Variants in NBPF6 observed in about 807,000 individuals in gnomAD.
NBPF6 encodes the protein NBPF family member NBPF6.
In NBPF6, 2 loss-of-function variants were observed where a neutral mutation model predicts 20.8. The observed-to-expected ratio is 0.10, with a 90% CI of 0.04 to 0.30. NBPF6 has a LOEUF of 0.30. NBPF6 is among the 10% of genes least tolerant of loss of function. NBPF6 has a pLI of 1.00. For synonymous variants in NBPF6, 24 were observed against 100.0 expected, an observed-to-expected ratio of 0.24 and a Z score of 4.53; for missense variants, 85 against 260.3, an observed-to-expected ratio of 0.33 and a Z score of 4.63.
chr1:108,447,965 T>A (rs61797098), upstream of NBPF6, among the ~76,000 whole-genome samples: 3 of 144,898 alleles, frequency 2.1e-5, no homozygotes, highest in Admixed American at 1.4e-4. Context: ...AGAAAAAATA[T>A]CAAGTCCAGG....
At chr1:108,448,489 C>T (rs1241979322), upstream of NBPF6, among the ~76,000 whole-genome samples, 5 of 140,598 alleles carry the variant, frequency 3.6e-5, 1 homozygote, top group African/African-American at 7.7e-5. Context: ...TTCTGAATTT[C>T]GGTCCCAATG....
chr1:108,469,803 G>A (rs1653359700), intron 14 of NBPF6, among the ~76,000 whole-genome samples: 1 of 148,740 alleles, frequency 6.7e-6, no homozygotes, highest in African/African-American at 2.5e-5. Flanking sequence ...GATGACCTTT[G>A]GACAAAAACT....
upstream of NBPF6, among the ~76,000 whole-genome samples, chr1:108,448,342 T>C (rs1652691607): frequency 6.7e-6 from 1 of 148,612 alleles, no homozygotes; most frequent in South Asian, 2.1e-4. Flanking sequence ...GAATCATTGG[T>C]ACTCAATAGA....
chr1:108,470,602 A>C lies in NBPF6; in HGVS notation c.1881A>C (p.Pro627=). 6.4e-7 allele frequency: 1 copy of C among 1,552,878 alleles called. No homozygotes were observed. ...TTTCTCTCTCTCCCCTACAGATACC[A>C]AATACTGCTGAAAGGATGCAAAGGA... is the stretch of plus-strand genomic sequence containing the variant. ...AGPHAESAEI[P]NTAERMQRMI... The change falls in exon 15 of 15, where the codon CCA becomes CCC. Residue 627 remains proline (P), a synonymous_variant. Transcript: ENST00000495380.
In NBPF6 at chr1:108,471,701, A is replaced by G. The variant is rs1653484316; in HGVS notation, c.*1063A>G. Among the ~76,000 whole-genome samples the G allele has an allele frequency of 1.3e-5, 2 of 152,326 alleles. No homozygotes were observed. The highest frequency in any genetic ancestry group is 1.9e-4 in the East Asian group (1 of 5,184). On this transcript the variant is annotated 3_prime_UTR_variant, in exon 15 of 15. Coordinates refer to ENST00000495380, the MANE Select transcript of NBPF6 (RefSeq NM_001143988.2). ...CTGGCATTCTGTCGTAAAAAGGAAC[A>G]TTCCCTGCCCAAAGTTTGACTTTCA...
At chr1:108,434,743 A>G in the NBPF6 span, among the ~76,000 whole-genome samples, 1 of 88,270 alleles carries the variant, frequency 1.1e-5, no homozygotes, top group African/African-American at 3.5e-5. Context: ...CTCCTGCCTC[A>G]GCCTCCCAAA....
chr1:108,467,632 C>T lies in NBPF6; in HGVS notation c.1842C>T (p.Phe614=). 6.5e-7 allele frequency: 1 copy of T among 1,549,594 alleles called. No homozygotes were observed. Among genetic ancestry groups the T allele is most frequent in the South Asian group, 1.2e-5 (1 of 83,892 alleles). Reference sequence around the variant, plus strand: ...CGTTCAGCAAGTGGAGACTGGCATTCAGATTCGCTGGCCCGCATGCTGAGA... The same window carrying T: ...CGTTCAGCAAGTGGAGACTGGCATTTAGATTCGCTGGCCCGCATGCTGAGA... ...RLPFSKWRLA[F]RFAGPHAESA... The change falls in exon 14 of 15, where the codon TTC becomes TTT. Residue 614 remains phenylalanine, a synonymous_variant. Transcript: ENST00000495380.
rs1241874529 is a variant in NBPF6, at chr1:108,459,433, A to G, written c.1028+324A>G. ...CTTTCTGCTGGTTTTGCATTAGCAC[A>G]GTGGTGAGCATTTCAAGGCAAGGAA... is the stretch of plus-strand genomic sequence containing the variant. On this transcript the variant is annotated intron_variant, in intron 9 of 14. Transcript: ENST00000495380. Among the ~76,000 whole-genome samples, 2 of 149,810 alleles carry G rather than the reference A, an allele frequency of 1.3e-5. 1 individual carries two copies. The highest frequency in any genetic ancestry group is 1.3e-4 in the Admixed American group (2 of 14,956).
chr1:108,458,861 T>G, intron 8 of NBPF6, among the ~76,000 whole-genome samples, 197 bp from the exon 9 acceptor site: 2 of 117,162 alleles, frequency 1.7e-5, no homozygotes, highest in African/African-American at 2.9e-5. Context: ...ATCAGGGAGA[T>G]TTGCTCCATG....
rs1357313227 is a variant in NBPF6 at position 108,470,994 on chromosome 1, T to G, written c.*356T>G. The G allele has an allele frequency of 3.1e-5, 6 of 192,592 alleles. No individual in the cohort carries two copies. The highest frequency in any genetic ancestry group is 6.3e-5 in the Non-Finnish European group (6 of 94,896). 11.9% of individuals were successfully genotyped at this position (192,592 alleles called of 1,614,324 possible). A position where few individuals can be genotyped will look rare whatever the true frequency, so the allele number is the denominator to read the frequency against. On this transcript the variant is annotated 3_prime_UTR_variant, in exon 15 of 15. Coordinates refer to ENST00000495380, the MANE Select transcript of NBPF6 (RefSeq NM_001143988.2). ...AGGGCAGAGTATGAGCAATGCCATG[T>G]TCTTGCTGAAAACGTTTAGCCTGAG... is the stretch of plus-strand genomic sequence containing the variant.
At chr1:108,437,764 A>AAGGAAGGG in the NBPF6 span, among the ~76,000 whole-genome samples, 1 of 32,996 alleles carries the variant, frequency 3.0e-5, no homozygotes, top group African/African-American at 9.6e-5. Flanking sequence ...GGAAGGAAGG[A>AAGGAAGGG]AGGGAGGGAG....
chr1:108,426,425 A>AT, the NBPF6 span, among the ~76,000 whole-genome samples: 13 of 56,264 alleles, frequency 2.3e-4, no homozygotes, highest in Admixed American at 4.5e-4. Context: ...CTGTCTCTTT[A>AT]AAAATAAATA....
chr1:108,471,526 G>A lies in NBPF6; in HGVS notation c.*888G>A, dbSNP rs1653473768. ...CTTATTTATAATTAAATTGGAAAGT[G>A]GTTTGAAATAGTATAAATATCCTGT... On this transcript the variant is annotated 3_prime_UTR_variant, in exon 15 of 15. Transcript: ENST00000495380. 6.6e-6 allele frequency among the ~76,000 whole-genome samples: 1 copy of A among 152,004 alleles called. No individual in the cohort carries two copies. Among genetic ancestry groups the A allele is most frequent in the Admixed American group, 6.6e-5 (1 of 15,264 alleles).
chr1:108,458,986 T>C (rs1446560316), intron 8 of NBPF6, 72 bp from the exon 9 acceptor site: 1 of 310,328 alleles, frequency 3.2e-6, no homozygotes, highest in Non-Finnish European at 6.3e-6. Flanking sequence ...CTATGTAGAT[T>C]TGGACACAAG....
intron 14 of NBPF6, 79 bp downstream of exon 14, chr1:108,467,744 T>C: frequency 1.3e-6 from 2 of 1,517,540 alleles, no homozygotes; most frequent in Non-Finnish European, 1.8e-6. Flanking sequence ...CTCACTGCTT[T>C]TTCTCTCCCA....
chr1:108,465,745 AG>A (rs1330452634), intron 13 of NBPF6, among the ~76,000 whole-genome samples: 2 of 108,340 alleles, frequency 1.8e-5, no homozygotes, highest in Non-Finnish European at 4.0e-5. Context: ...TGATTCCATA[AG>A]AATTGCCCAA....
Position 108,471,339 on chromosome 1 carries a change from TA to T in NBPF6, c.*704del, listed in dbSNP as rs1171809797. Among the ~76,000 whole-genome samples, 12 of 152,136 alleles carry T rather than the reference TA, an allele frequency of 7.9e-5. No homozygotes were observed. Among genetic ancestry groups the T allele is most frequent in the African/African-American group, 2.9e-4 (12 of 41,420 alleles). On this transcript the variant is annotated 3_prime_UTR_variant, in exon 15 of 15. Transcript: ENST00000495380. ...AATGTCGTCATGATTAAATTCAGCC[TA>T]AACATTTTGCCAGGAACTCTGCAGA...
upstream of NBPF6, among the ~76,000 whole-genome samples, chr1:108,448,627 G>T (rs1262620962): frequency 6.0e-4 from 64 of 106,324 alleles, no homozygotes; most frequent in African/African-American, 1.9e-3. Context: ...TACATGATTT[G>T]CTATCCCTCT....
At chr1:108,436,609 A>AG in the NBPF6 span, among the ~76,000 whole-genome samples, 75 of 53,762 alleles carry the variant, frequency 1.4e-3, no homozygotes, top group African/African-American at 3.5e-3. Context: ...AAAAAAAAAA[A>AG]AAAAGAAAAG....
Sources: allele counts gnomAD v4.1 joint callset (sites outside exome capture counted in the v4.1 genomes callset), GRCh38; gene constraint gnomAD v4.1.1; transcripts MANE v1.5; gene names NCBI Gene and HGNC (gene_info 2026-07-23, HGNC 2026-07-21).